SFXN5: variants seen among roughly 807,000 people sequenced by gnomAD.
SFXN5 encodes sideroflexin-5.
Under a neutral mutation model 50.2 loss-of-function variants are expected in SFXN5, and 43 were observed. That is an observed-to-expected ratio of 0.86 (90% CI 0.67 to 1.11). SFXN5 has a LOEUF of 1.11. Among genes scored for constraint, SFXN5 ranks in the 50% least tolerant of loss-of-function variants. The pLI, the probability that SFXN5 is intolerant of heterozygous loss-of-function variation, is 0.00. For synonymous variants in SFXN5, 203 were observed against 185.8 expected (o/e 1.09, Z -0.75); for missense variants, 463 against 454.1 (o/e 1.02, Z -0.18).
intron 13 of SFXN5, chr2:72,957,228 A>G (rs984569676): frequency 8.1e-6 from 3 of 369,140 alleles, no homozygotes; most frequent in South Asian, 4.0e-5. Context: ...TTGATGTTCA[A>G]TGTTTTAGAC....
At chr2:73,020,118 C>T (rs1676672742) in intron 6 of SFXN5, 121 bp downstream of exon 6, 2 of 865,942 alleles carry the variant, frequency 2.3e-6, no homozygotes, top group East Asian at 2.7e-5. Flanking sequence ...TTGGTAATTT[C>T]CCTCCAGGAA....
At chr2:72,976,202 T>C (rs1670600614) in intron 10 of SFXN5, among the ~76,000 whole-genome samples, 1 of 152,280 alleles carries the variant, frequency 6.6e-6, no homozygotes, top group African/African-American at 2.4e-5. Context: ...GAATTAGGGG[T>C]TGTTGAAAGA....
chr2:73,071,677 G>T lies in SFXN5; in HGVS notation c.29C>A (p.Ala10Glu). ...GGCGCTAGCGGCACTAGCCGCCGCC[G>T]CCGATGCTGTAGTCGCTGTATCCGC... MADTATTASAAAASAASASS... is the reference protein window; with the variant it reads MADTATTASEAAASAASASS... Residue 10 changes from alanine (A) to glutamate (E), a missense_variant, in exon 1 of 14, where the codon GCG (alanine) becomes GAG (glutamate). Coordinates refer to ENST00000272433, the MANE Select transcript of SFXN5 (RefSeq NM_144579.3). 1 of 1,613,058 alleles carries T rather than the reference G, an allele frequency of 6.2e-7. No individual in the cohort carries two copies. Among genetic ancestry groups the T allele is most frequent in the Non-Finnish European group, 8.5e-7 (1 of 1,179,844 alleles).
chr2:73,027,361 G>A (rs1234566605), intron 3 of SFXN5, among the ~76,000 whole-genome samples: 2 of 152,314 alleles, frequency 1.3e-5, no homozygotes, highest in South Asian at 2.1e-4. Context: ...TTTTTGTACA[G>A]TTGTACAGTG....
At position 72,960,104 on chromosome 2, in the gene SFXN5, C is replaced by G. The variant is rs1008382361; in HGVS notation, c.945+1027G>C. 6.6e-6 allele frequency among the ~76,000 whole-genome samples: 1 copy of G among 152,004 alleles called. No individual in the cohort carries two copies. Among genetic ancestry groups the G allele is most frequent in the East Asian group, 1.9e-4 (1 of 5,156 alleles). ...CTTTGGACCCCGCCAGGGTGGAGGCCTCACCCACCACCCTCGATTCCAGCA... is the reference window on the plus strand; with the variant it reads ...CTTTGGACCCCGCCAGGGTGGAGGCGTCACCCACCACCCTCGATTCCAGCA... On this transcript the variant is annotated intron_variant, in intron 13 of 13. Coordinates refer to ENST00000272433, the MANE Select transcript of SFXN5 (RefSeq NM_144579.3). This position sits in a 1 kb window ranked among gnomAD's most constrained non-coding sequence, Gnocchi z 6.1.
In SFXN5 at chr2:73,036,104, G is replaced by A. The variant is rs190911890; in HGVS notation, c.249+4750C>T. ...GCAGGCGCAGAGCCCAGGTGCAGGT[G>A]AGGCCACTGTCCAGACTGAGAACAA... On this transcript the variant is annotated intron_variant, in intron 3 of 13. Coordinates refer to ENST00000272433, the MANE Select transcript of SFXN5 (RefSeq NM_144579.3). Among the ~76,000 whole-genome samples the A allele has an allele frequency of 7.9e-5, 12 of 152,348 alleles. 1 individual carries two copies. The highest frequency in any genetic ancestry group is 3.4e-3 in the Middle Eastern group (1 of 294).
intron 2 of SFXN5, among the ~76,000 whole-genome samples, chr2:73,048,158 G>T (rs897655555): frequency 6.6e-6 from 1 of 152,110 alleles, no homozygotes; most frequent in Admixed American, 6.6e-5. Flanking sequence ...ATGCATATGT[G>T]CATATGATTC....
chr2:72,964,040 A>G (rs1323592914), intron 12 of SFXN5, among the ~76,000 whole-genome samples: 1 of 152,156 alleles, frequency 6.6e-6, no homozygotes, highest in Non-Finnish European at 1.5e-5. Context: ...GTCAAGGCCA[A>G]CTGAGCATGC....
intron 13 of SFXN5, among the ~76,000 whole-genome samples, chr2:72,946,664 C>T (rs1390003671): frequency 6.6e-6 from 1 of 152,190 alleles, no homozygotes; most frequent in Non-Finnish European, 1.5e-5. Context: ...ACTCAGCTCT[C>T]CATCTCGGGA....
chr2:72,983,102 A>G (rs548306147), intron 10 of SFXN5, among the ~76,000 whole-genome samples: 35 of 152,344 alleles, frequency 2.3e-4, no homozygotes, highest in African/African-American at 7.5e-4. Context: ...AGACTTGGGC[A>G]GCACTGCCAT....
At chr2:72,984,885 C>T (rs1671714406) in intron 10 of SFXN5, among the ~76,000 whole-genome samples, 1 of 152,126 alleles carries the variant, frequency 6.6e-6, no homozygotes, top group Non-Finnish European at 1.5e-5. Context: ...GTGTAGCCCA[C>T]CTCCCAGGCT....
intron 12 of SFXN5, among the ~76,000 whole-genome samples, chr2:72,966,956 C>T (rs1674486515): frequency 6.6e-6 from 1 of 152,208 alleles, no homozygotes; most frequent in African/African-American, 2.4e-5. Context: ...CATTTCCACA[C>T]AGGGCAGGAC....
chr2:73,051,854 A>G (rs907753019), intron 2 of SFXN5, among the ~76,000 whole-genome samples: 6 of 152,170 alleles, frequency 3.9e-5, no homozygotes, highest in Non-Finnish European at 7.4e-5. Flanking sequence ...GGAAGAAGGC[A>G]GAAAGGCAAG....
chr2:73,052,377 T>C (rs865960887), intron 2 of SFXN5, among the ~76,000 whole-genome samples: 1 of 148,666 alleles, frequency 6.7e-6, no homozygotes, highest in East Asian at 1.9e-4. Flanking sequence ...TGTGTGTGTG[T>C]GTGTGTGTGT....
chr2:73,071,617 G>T lies in SFXN5; in HGVS notation c.89C>A (p.Pro30His). Reference protein sequence around the residue: ...SDAPPFQLGKPRFQQTSFYGR... With the variant: ...SDAPPFQLGKHRFQQTSFYGR... The stretch of plus-strand genomic sequence containing the variant: ...CCCGGTCCTCACCTGCTGGAAGCGG[G>T]GTTTGCCCAGTTGGAAAGGAGGTGC... Residue 30 changes from proline (P) to histidine (H), a missense_variant, in exon 1 of 14, where the codon CCC becomes CAC. Physicochemically the swap from Pro to His is moderately conservative, Grantham distance 77. Transcript: ENST00000272433. 1 of 1,613,842 alleles carries T rather than the reference G, an allele frequency of 6.2e-7. No individual in the cohort carries two copies. The highest frequency in any genetic ancestry group is 8.5e-7 in the Non-Finnish European group (1 of 1,179,898).
At chr2:72,982,027 T>C (rs6710021) in intron 10 of SFXN5, among the ~76,000 whole-genome samples, 3,599 of 147,838 alleles carry the variant, frequency 0.024, 152 homozygotes, top group African/African-American at 0.088. Context: ...AACCACCTCT[T>C]ACCCCCAAAG....
chr2:72,995,933 G>A (rs764226123), intron 9 of SFXN5, among the ~76,000 whole-genome samples: 3 of 152,230 alleles, frequency 2.0e-5, no homozygotes, highest in Non-Finnish European at 2.9e-5. Context: ...GTCAGGCGGA[G>A]GGACGCCGCC....
At chr2:73,014,906 T>C in intron 6 of SFXN5, among the ~76,000 whole-genome samples, 1 of 152,170 alleles carries the variant, frequency 6.6e-6, no homozygotes, top group East Asian at 1.9e-4. Flanking sequence ...TCATAAATGT[T>C]TTTCTTTCTT....
chr2:73,017,734 A>C (rs2105806670), intron 6 of SFXN5, among the ~76,000 whole-genome samples: 1 of 152,364 alleles, frequency 6.6e-6, no homozygotes. Context: ...TACAGGTATC[A>C]GTATAAACTC....
Sources: gnomAD v4.1 joint callset for allele counts (sites outside exome capture counted in the v4.1 genomes callset) on GRCh38, gnomAD v4.1.1 for gene constraint, Gnocchi (gnomAD v3.1) non-coding constraint, MANE v1.5 for transcripts, NCBI Gene and HGNC (gene_info 2026-07-23, HGNC 2026-07-21) for gene names.